Variants in BICC1 observed in about 807,000 individuals in gnomAD.
BICC1 encodes BicC family RNA binding protein 1, also known as protein bicaudal C homolog 1.
A neutral mutation model predicts 111.0 loss-of-function variants in BICC1; 43 were observed. The ratio of observed to expected loss-of-function variants is 0.39; its 90% CI spans 0.30 to 0.50. The LOEUF is 0.50. Ranked by LOEUF, BICC1 falls within the 20% of genes least tolerant of loss-of-function variation. BICC1 has a pLI of 0.88. For missense variants in BICC1, 1,091 were observed against 1,203.2 expected (o/e 0.91, Z 1.38); for synonymous variants, 467 against 434.4 (o/e 1.07, Z -0.93).
chr10:58,630,121 C>T (rs1382086817), intron 2 of BICC1, among the ~76,000 whole-genome samples: 1 of 152,122 alleles, frequency 6.6e-6, no homozygotes, highest in African/African-American at 2.4e-5. Context: ...ATGTGGCATG[C>T]TCTGTGAACT....
In BICC1 at chr10:58,627,819, C is replaced by T. The variant is rs530949280; in HGVS notation, c.237+6918C>T. On this transcript the variant is annotated intron_variant, in intron 2 of 20. Coordinates refer to ENST00000373886, the MANE Select transcript of BICC1 (RefSeq NM_001080512.3). ...ATTATCAGAGATGTGTCTGAAAATC[C>T]ATATATAAAGATATTCATTGTCACA... Among the ~76,000 whole-genome samples, 64 of 151,914 alleles carry T rather than the reference C, an allele frequency of 4.2e-4. 1 individual carries two copies. The highest frequency in any genetic ancestry group is 1.5e-3 in the African/African-American group (62 of 41,470).
chr10:58,828,540 G>A (rs1844464257), intron 20 of BICC1, among the ~76,000 whole-genome samples: 1 of 152,118 alleles, frequency 6.6e-6, no homozygotes, highest in African/African-American at 2.4e-5. Flanking sequence ...ACTATTTGCT[G>A]TCCTTTGTTC....
intron 11 of BICC1, 93 bp from the exon 12 acceptor site, chr10:58,798,963 G>GAA: frequency 1.0e-6 from 1 of 991,930 alleles, no homozygotes; most frequent in East Asian, 2.6e-5. Context: ...TTCTGAACTT[G>GAA]CAGCAACAAA....
At chr10:58,761,893 T>C (rs1288815015) in intron 3 of BICC1, among the ~76,000 whole-genome samples, 2 of 152,118 alleles carry the variant, frequency 1.3e-5, no homozygotes, top group East Asian at 3.8e-4. Context: ...CATGTGGCTT[T>C]TCTAGAAAAA....
rs564877363 is a variant in BICC1, at chr10:58,743,080, C to T, written c.307+40937C>T. ...TGAACCTGGTTTTATAGATTATTTA[C>T]TCCTTGTAGGATGATGGCTCAAAAG... On this transcript the variant is annotated intron_variant, in intron 3 of 20. Transcript: ENST00000373886. 2.4e-4 allele frequency among the ~76,000 whole-genome samples: 36 copies of T among 152,304 alleles called. 1 individual carries two copies. The South Asian group carries it at 4.6e-3, about 19-fold the overall frequency.
At chr10:58,731,301 T>C (rs2132557604) in intron 3 of BICC1, among the ~76,000 whole-genome samples, 1 of 152,320 alleles carries the variant, frequency 6.6e-6, no homozygotes, top group South Asian at 2.1e-4. Context: ...TCACTGTCTA[T>C]GTCACTACCA....
intron 3 of BICC1, among the ~76,000 whole-genome samples, chr10:58,716,626 T>C (rs1840749748): frequency 1.3e-5 from 2 of 152,196 alleles, no homozygotes; most frequent in Admixed American, 1.3e-4. Flanking sequence ...GATACATCTT[T>C]AAGATGTAAT....
chr10:58,686,007 TG>T (rs1443668431), intron 2 of BICC1, among the ~76,000 whole-genome samples: 1 of 152,212 alleles, frequency 6.6e-6, no homozygotes, highest in Non-Finnish European at 1.5e-5. Context: ...TGGTACCAGT[TG>T]TTCCTTTCCT....
At chr10:58,589,008 G>T (rs1263951664) in intron 1 of BICC1, among the ~76,000 whole-genome samples, 1 of 152,124 alleles carries the variant, frequency 6.6e-6, no homozygotes, top group Non-Finnish European at 1.5e-5. Flanking sequence ...CCTAGTCCCT[G>T]TGACTGCTGT....
At chr10:58,548,272 T>C (rs765140033) in intron 1 of BICC1, among the ~76,000 whole-genome samples, 1 of 152,218 alleles carries the variant, frequency 6.6e-6, no homozygotes, top group Non-Finnish European at 1.5e-5. Flanking sequence ...GTATACAGTA[T>C]AATAGTGATT....
chr10:58,754,444 T>G (rs1391964499), intron 3 of BICC1, among the ~76,000 whole-genome samples: 1 of 152,236 alleles, frequency 6.6e-6, no homozygotes, highest in Non-Finnish European at 1.5e-5. Flanking sequence ...AAAAATCAGT[T>G]ACAGAAGATT....
chr10:58,558,645 A>G (rs1843521966), intron 1 of BICC1, among the ~76,000 whole-genome samples: 1 of 152,034 alleles, frequency 6.6e-6, no homozygotes, highest in African/African-American at 2.4e-5. Flanking sequence ...CTTAATCTTA[A>G]CTCTAAGCAA....
chr10:58,803,339 G>A, intron 15 of BICC1, 97 bp downstream of exon 15: 2 of 1,079,626 alleles, frequency 1.9e-6, no homozygotes, highest in East Asian at 2.9e-5. Flanking sequence ...CAGAAATTAG[G>A]TTTTCCTTCT....
At chr10:58,555,202 C>A (rs991630127) in intron 1 of BICC1, among the ~76,000 whole-genome samples, 13 of 151,080 alleles carry the variant, frequency 8.6e-5, no homozygotes, top group African/African-American at 2.7e-4. Context: ...ACTTTCAGTG[C>A]AAACTTCTGA....
chr10:58,792,567 A>G (rs1356866583), intron 8 of BICC1, among the ~76,000 whole-genome samples: 1 of 152,142 alleles, frequency 6.6e-6, no homozygotes, highest in Non-Finnish European at 1.5e-5. Context: ...TAGCAGTGGC[A>G]TAAGATTCTC....
At chr10:58,660,192 C>G (rs1308874847) in intron 2 of BICC1, among the ~76,000 whole-genome samples, 2 of 152,108 alleles carry the variant, frequency 1.3e-5, no homozygotes, top group Non-Finnish European at 2.9e-5. Flanking sequence ...CCCAGACAGC[C>G]CTTATAAACA....
chr10:58,807,243 G>A, intron 17 of BICC1, 85 bp downstream of exon 17: 18 of 1,301,642 alleles, frequency 1.4e-5, no homozygotes, highest in Non-Finnish European at 1.9e-5. Flanking sequence ...CATTCTTTAT[G>A]TACCTAAGGG....
intron 15 of BICC1, among the ~76,000 whole-genome samples, chr10:58,804,667 C>T (rs982757714): frequency 1.3e-5 from 2 of 151,992 alleles, no homozygotes; most frequent in African/African-American, 2.4e-5. Flanking sequence ...TTCTTGTCAC[C>T]TTTTCCATCA....
chr10:58,734,451 A>G (rs9299585), intron 3 of BICC1, among the ~76,000 whole-genome samples: 151,971 of 152,356 alleles, frequency 1, 75,794 homozygotes, highest in Middle Eastern at 1. Context: ...TGTCCATATG[A>G]GCTCGATAAA....
Sources: allele counts gnomAD v4.1 joint callset (sites outside exome capture counted in the v4.1 genomes callset), GRCh38; gene constraint gnomAD v4.1.1; transcripts MANE v1.5; gene names NCBI Gene and HGNC (gene_info 2026-07-23, HGNC 2026-07-21).